The following DNER variants were observed in gnomAD, a reference collection of about 807,000 sequenced individuals.
DNER encodes the protein delta/notch like EGF repeat containing, also known as delta and Notch-like epidermal growth factor-related receptor.
In DNER, 33 loss-of-function variants were observed where a neutral mutation model predicts 78.2. That is an observed-to-expected ratio of 0.42 (90% CI 0.32 to 0.56). The LOEUF (loss-of-function observed/expected upper bound fraction) is 0.56. DNER is among the 20% of genes least tolerant of loss of function. The probability of loss-of-function intolerance (pLI) is 0.11; values close to 1 mark genes in which losing one functional copy is unlikely to be tolerated. For missense variants in DNER, 918 were observed against 975.3 expected (o/e 0.94, Z 0.78); for synonymous variants, 417 against 384.8 (o/e 1.08, Z -0.98).
rs368436056 is a variant in DNER, at chr2:229,641,879, AT to A, written c.277-49992del. Among the ~76,000 whole-genome samples the A allele has an allele frequency of 5.4e-3, 819 of 152,198 alleles. 9 individuals carry two copies. The highest frequency in any genetic ancestry group is 0.018 in the African/African-American group (758 of 41,518). On this transcript the variant is annotated intron_variant, in intron 1 of 12. Transcript: ENST00000341772. ...CTCAGCTCCCTCTGGTGGAATACTG[AT>A]TTTTATGGTATGCCCCGTGAAATCA... is the stretch of plus-strand genomic sequence containing the variant.
chr2:229,599,199 G>A (rs2154214862), intron 1 of DNER, among the ~76,000 whole-genome samples: 1 of 152,238 alleles, frequency 6.6e-6, no homozygotes, highest in Non-Finnish European at 1.5e-5. Flanking sequence ...AGAAGATAGA[G>A]GCAAGGATGG....
intron 1 of DNER, among the ~76,000 whole-genome samples, chr2:229,597,703 G>T (rs80063245): frequency 0.016 from 2,430 of 152,280 alleles, 70 homozygotes; most frequent in African/African-American, 0.055. Flanking sequence ...ATGGGTTAAT[G>T]GTCTTCTGCT....
At chr2:229,488,880 A>ACAAT (rs1317327525) in intron 6 of DNER, among the ~76,000 whole-genome samples, 1 of 152,154 alleles carries the variant, frequency 6.6e-6, no homozygotes, top group African/African-American at 2.4e-5. Flanking sequence ...AATCACAACA[A>ACAAT]TATCAACAGC....
At chr2:229,525,850 G>C (rs1315014218) in intron 5 of DNER, among the ~76,000 whole-genome samples, 1 of 152,094 alleles carries the variant, frequency 6.6e-6, no homozygotes, top group Non-Finnish European at 1.5e-5. Flanking sequence ...CCTGACCTCA[G>C]ATAATCCATC....
chr2:229,501,986 T>A (rs1309723997), intron 6 of DNER, among the ~76,000 whole-genome samples: 1 of 152,162 alleles, frequency 6.6e-6, no homozygotes, highest in Admixed American at 6.5e-5. Context: ...TCAAAGAAGG[T>A]AAAATCTGAT....
chr2:229,650,673 G>C (rs373011771), intron 1 of DNER, among the ~76,000 whole-genome samples: 13 of 152,206 alleles, frequency 8.5e-5, no homozygotes, highest in African/African-American at 2.6e-4. Context: ...CCTTTTCGTA[G>C]TATTTTCATT....
intron 10 of DNER, among the ~76,000 whole-genome samples, chr2:229,397,463 C>CAAAAAAAAAAAAAAAAAAAAA (rs763572496): frequency 3.1e-5 from 3 of 96,582 alleles, no homozygotes; most frequent in East Asian, 3.3e-4. Flanking sequence ...CCAAACACTA[C>CAAAAAAAAAAAAAAAAAAAAA]AAAAAAAAAA....
At chr2:229,543,553 C>T (rs539305094) in intron 5 of DNER, among the ~76,000 whole-genome samples, 42 of 152,312 alleles carry the variant, frequency 2.8e-4, no homozygotes, top group African/African-American at 9.4e-4. Context: ...ACATTTCTCT[C>T]GTGCCAATAT....
At chr2:229,663,682 C>T (rs1699044538) in intron 1 of DNER, among the ~76,000 whole-genome samples, 1 of 152,200 alleles carries the variant, frequency 6.6e-6, no homozygotes, top group Admixed American at 6.5e-5. Context: ...AGCATCTTCA[C>T]TAATGCATCC....
At chr2:229,493,884 T>C (rs79734202) in intron 6 of DNER, among the ~76,000 whole-genome samples, 8,647 of 152,054 alleles carry the variant, frequency 0.057, 723 homozygotes, top group African/African-American at 0.19. Context: ...AGGGTAAGAG[T>C]GGCAGCAGGA....
intron 1 of DNER, among the ~76,000 whole-genome samples, chr2:229,615,437 C>T (rs1348686059): frequency 8.3e-5 from 12 of 144,812 alleles, no homozygotes; most frequent in African/African-American, 1.5e-4. Context: ...AGGCCGGGCG[C>T]GGTGGTTCAC....
chr2:229,613,463 C>T (rs574305371), intron 1 of DNER, among the ~76,000 whole-genome samples: 5 of 152,222 alleles, frequency 3.3e-5, no homozygotes, highest in African/African-American at 7.2e-5. Flanking sequence ...GTGCTATGAG[C>T]GTTGAAAATA....
At chr2:229,618,225 G>A (rs944976228) in intron 1 of DNER, among the ~76,000 whole-genome samples, 6 of 152,152 alleles carry the variant, frequency 3.9e-5, no homozygotes, top group Admixed American at 3.3e-4. Context: ...GTAAGAGTCT[G>A]GAGGTAGGTG....
intron 1 of DNER, among the ~76,000 whole-genome samples, chr2:229,702,589 G>A (rs535322214): frequency 1.3e-5 from 2 of 151,826 alleles, no homozygotes; most frequent in South Asian, 2.1e-4. Flanking sequence ...GAGTGTCCAC[G>A]CACTCTTGAA....
At position 229,591,545 on chromosome 2, in the gene DNER, C is replaced by A. The variant is rs35063835; in HGVS notation, c.585+35G>T. On this transcript the variant is annotated intron_variant, in intron 2 of 12. Transcript: ENST00000341772. The surrounding 1 kb of genome is among the most constrained non-coding windows in gnomAD (Gnocchi z 4.6). Reference sequence around the variant, plus strand: ...GGAGTCACTTTAAGATTTCTGGTTTCTAATGTAAAAATGCACATGATATAA... The same window carrying A: ...GGAGTCACTTTAAGATTTCTGGTTTATAATGTAAAAATGCACATGATATAA... The A allele has an allele frequency of 6.4e-7, 1 of 1,571,380 alleles. No homozygotes were observed. Among genetic ancestry groups the A allele is most frequent in the Admixed American group, 1.8e-5 (1 of 54,222 alleles).
Position 229,655,914 on chromosome 2 carries a change from G to C in DNER, c.276+58234C>G, listed in dbSNP as rs558319699. Among the ~76,000 whole-genome samples the C allele has an allele frequency of 7.2e-5, 11 of 152,112 alleles. No individual in the cohort carries two copies. The South Asian group carries it at 1.5e-3, about 20-fold the overall frequency. On this transcript the variant is annotated intron_variant, in intron 1 of 12. Coordinates refer to ENST00000341772, the MANE Select transcript of DNER (RefSeq NM_139072.4). ...AAGACCCACATGAAGATGAAGGCAG[G>C]CATTCACGTTAAGCTGCCACAACCC...
At chr2:229,607,473 A>G (rs2154215068) in intron 1 of DNER, among the ~76,000 whole-genome samples, 1 of 152,354 alleles carries the variant, frequency 6.6e-6, no homozygotes, top group East Asian at 1.9e-4. Flanking sequence ...CAGGTAGAAC[A>G]GTACAATTCC....
At chr2:229,500,592 T>C (rs1394555075) in intron 6 of DNER, among the ~76,000 whole-genome samples, 2 of 152,218 alleles carry the variant, frequency 1.3e-5, no homozygotes, top group African/African-American at 2.4e-5. Context: ...TCATGTTCAT[T>C]GTAGCATTAT....
chr2:229,663,873 G>A (rs1699047674), intron 1 of DNER, among the ~76,000 whole-genome samples: 1 of 152,110 alleles, frequency 6.6e-6, no homozygotes, highest in African/African-American at 2.4e-5. Context: ...TGTCCCCCAG[G>A]CTGGAGTGCA....
Sources: allele counts gnomAD v4.1 joint callset (sites outside exome capture counted in the v4.1 genomes callset), GRCh38; gene constraint gnomAD v4.1.1; non-coding constraint Gnocchi (gnomAD v3.1); transcripts MANE v1.5; gene names NCBI Gene and HGNC (gene_info 2026-07-23, HGNC 2026-07-21).